SLC23A2: variants seen among roughly 807,000 people sequenced by gnomAD.
The protein encoded by SLC23A2 is solute carrier family 23 member 2.
A neutral mutation model predicts 73.3 loss-of-function variants in SLC23A2; 36 were observed. The observed-to-expected ratio is 0.49, with a 90% CI of 0.38 to 0.65. The LOEUF is 0.65. Ranked by LOEUF, SLC23A2 falls within the 30% of genes least tolerant of loss-of-function variation. The pLI is 0.00. For synonymous variants in SLC23A2, 343 were observed against 327.3 expected (o/e 1.05, Z -0.52); for missense variants, 507 against 841.6 (o/e 0.60, Z 4.92).
intron 2 of SLC23A2, among the ~76,000 whole-genome samples, chr20:4,970,220 TA>T (rs11479614): frequency 0.031 from 4,647 of 152,300 alleles, 230 homozygotes; most frequent in African/African-American, 0.1. Flanking sequence ...TTGTAATTAA[TA>T]TAAGTGGCAA....
At chr20:4,871,007 T>C (rs1011477512) in intron 11 of SLC23A2, among the ~76,000 whole-genome samples, 3 of 152,246 alleles carry the variant, frequency 2.0e-5, no homozygotes, top group African/African-American at 7.2e-5. Context: ...AGATACTTTT[T>C]TCTTCACAAG....
chr20:4,993,645 GAA>G (rs932504788), intron 1 of SLC23A2, among the ~76,000 whole-genome samples: 9 of 152,158 alleles, frequency 5.9e-5, no homozygotes, highest in African/African-American at 1.4e-4. Flanking sequence ...AGATAAAACA[GAA>G]GAGACTTAAA....
intron 6 of SLC23A2, 97 bp from the exon 7 acceptor site, chr20:4,886,006 G>A: frequency 2.9e-6 from 2 of 701,592 alleles, no homozygotes; most frequent in South Asian, 1.8e-5. Context: ...TAGACATACA[G>A]CACATGAGTA....
rs1008346813 is a variant in SLC23A2, at chr20:4,998,765, T to C, written c.-282+2641A>G. Reference sequence around the variant, plus strand: ...CGTTTTTAAAAAGCTTCAATTTACATGTACAAAGCACCATATAATTTCAAA... The same window carrying C: ...CGTTTTTAAAAAGCTTCAATTTACACGTACAAAGCACCATATAATTTCAAA... On this transcript the variant is annotated intron_variant, in intron 1 of 16. Coordinates refer to ENST00000338244, the MANE Select transcript of SLC23A2 (RefSeq NM_005116.6). The surrounding 1 kb of genome is among the most constrained non-coding windows in gnomAD (Gnocchi z 4.1). Among the ~76,000 whole-genome samples the C allele has an allele frequency of 2.6e-5, 4 of 151,946 alleles. No homozygotes were observed. The highest frequency in any genetic ancestry group is 9.7e-5 in the African/African-American group (4 of 41,378).
chr20:4,862,892 C>T lies in SLC23A2; in HGVS notation c.1372G>A (p.Val458Met), dbSNP rs543448650. 2 of 1,611,462 alleles carry T rather than the reference C, an allele frequency of 1.2e-6. No homozygotes were observed. The highest frequency in any genetic ancestry group is 1.7e-6 in the Non-Finnish European group (2 of 1,178,128). ...ATGAGGGCTGCTCCGCACTGTATCA[C>T]GCGGCGGCTGCCGACCTGCAGAACA... ...LGITKVGSRR[V>M]IQCGAALMLA... The change falls in exon 14 of 17, where the codon GTG becomes ATG. Residue 458 changes from valine (V) to methionine (M), a missense_variant. Val to Met is a conservative substitution (Grantham distance 21). Coordinates refer to ENST00000338244, the MANE Select transcript of SLC23A2 (RefSeq NM_005116.6). The surrounding 1 kb of genome is among the most constrained non-coding windows in gnomAD (Gnocchi z 5.1).
rs568048811 is a variant in SLC23A2 at position 4,923,497 on chromosome 20, G to A, written c.108+8958C>T. On this transcript the variant is annotated intron_variant, in intron 3 of 16. Coordinates refer to ENST00000338244, the MANE Select transcript of SLC23A2 (RefSeq NM_005116.6). ...CTGCCTAAATCATGGCCATTATGCA[G>A]TATATTAAAACTCTCATCTTACAGA... Among the ~76,000 whole-genome samples the A allele has an allele frequency of 6.1e-4, 93 of 152,278 alleles. 2 individuals are homozygous for A. The South Asian group carries it at 0.018, about 30-fold the overall frequency.
intron 5 of SLC23A2, among the ~76,000 whole-genome samples, chr20:4,901,138 G>A (rs1286005849): frequency 6.6e-6 from 1 of 152,150 alleles, no homozygotes; most frequent in African/African-American, 2.4e-5. Flanking sequence ...GCCCAAGGTA[G>A]ACTAGTTGCC....
intron 2 of SLC23A2, among the ~76,000 whole-genome samples, chr20:4,969,392 A>G (rs1250520029): frequency 6.6e-6 from 1 of 152,130 alleles, no homozygotes; most frequent in African/African-American, 2.4e-5. Flanking sequence ...CCCAGCCTTT[A>G]TTAGAAGTCT....
chr20:4,934,127 C>T (rs985232792), intron 2 of SLC23A2, among the ~76,000 whole-genome samples: 5 of 152,152 alleles, frequency 3.3e-5, no homozygotes, highest in African/African-American at 9.7e-5. Context: ...CAAATTCTTC[C>T]GGGGTGGTCG....
In SLC23A2 at chr20:4,854,173, A is replaced by G. The variant is rs928877575; in HGVS notation, c.*2799T>C. On this transcript the variant is annotated 3_prime_UTR_variant, in exon 17 of 17. Transcript: ENST00000338244. ...TTTTACAACACTCTACAGGCAAAAC[A>G]AAGTACGGGGTGGTGGTTCAAAGCC... 3.9e-5 allele frequency: 6 copies of G among 152,200 alleles called. No homozygotes were observed. The highest frequency in any genetic ancestry group is 2.6e-4 in the Admixed American group (4 of 15,278). The allele number at this position is 152,200 out of a possible 1,614,324, so 9.4% of individuals were successfully genotyped here. A position where few individuals can be genotyped will look rare whatever the true frequency, so the allele number is the denominator to read the frequency against.
In SLC23A2 at chr20:4,869,486, C is replaced by CTCTCTCTA. The variant is rs1555798067; in HGVS notation, c.1250+419_1250+420insTAGAGAGA. On this transcript the variant is annotated intron_variant, in intron 12 of 16. Transcript: ENST00000338244. The stretch of plus-strand genomic sequence containing the variant: ...GTGCTCTCTATCTCTCTCTCTCTCT[C>CTCTCTCTA]TATATATATATATAGACAGAGCTAC... 2 of 148,292 alleles carry CTCTCTCTA rather than the reference C, an allele frequency of 1.3e-5. 1 individual carries two copies. The highest frequency in any genetic ancestry group is 4.3e-4 in the South Asian group (2 of 4,680). 9.2% of individuals were successfully genotyped at this position (148,292 alleles called of 1,614,324 possible). A position where few individuals can be genotyped will look rare whatever the true frequency, so the allele number is the denominator to read the frequency against.
At chr20:4,973,670 C>T (rs1314493886) in intron 1 of SLC23A2, among the ~76,000 whole-genome samples, 1 of 152,208 alleles carries the variant, frequency 6.6e-6, no homozygotes, top group Non-Finnish European at 1.5e-5. Context: ...AATGCCCCTC[C>T]CATTCGTGGG....
intron 6 of SLC23A2, among the ~76,000 whole-genome samples, chr20:4,896,745 CA>C (rs949152573): frequency 2.0e-5 from 3 of 152,190 alleles, no homozygotes; most frequent in Non-Finnish European, 4.4e-5. Flanking sequence ...GGATGGTCCT[CA>C]CCCCCTATAC....
Position 4,899,546 on chromosome 20 carries a change from C to T in SLC23A2, c.482+9G>A, listed in dbSNP as rs1445092203. 8 of 1,613,972 alleles carry T rather than the reference C, an allele frequency of 5.0e-6. No homozygotes were observed. The highest frequency in any genetic ancestry group is 6.8e-6 in the Non-Finnish European group (8 of 1,179,910). ...GCTTTGGCATCCCCCATTAGTACCC[C>T]AATCTCACCTGCATCCAAACGTTGT... On this transcript the variant is annotated intron_variant, in intron 6 of 16. Coordinates refer to ENST00000338244, the MANE Select transcript of SLC23A2 (RefSeq NM_005116.6). This position sits in a 1 kb window ranked among gnomAD's most constrained non-coding sequence, Gnocchi z 4.9.
Position 4,883,622 on chromosome 20 carries a change from G to A in SLC23A2, c.824+20C>T, listed in dbSNP as rs140431658. The A allele has an allele frequency of 1.9e-4, 293 of 1,583,408 alleles. 2 individuals carry two copies. In the East Asian group the frequency reaches 6.3e-3, roughly 34 times the overall value. On this transcript the variant is annotated intron_variant, in intron 9 of 16. Transcript: ENST00000338244. This position sits in a 1 kb window ranked among gnomAD's most constrained non-coding sequence, Gnocchi z 4.5. Reference sequence around the variant, plus strand: ...AGGCTGCCCCGCAGTGGTGGGATGAGGGGAGATGTTTCCACTTACAGCATG... The same window carrying A: ...AGGCTGCCCCGCAGTGGTGGGATGAAGGGAGATGTTTCCACTTACAGCATG...
intron 6 of SLC23A2, among the ~76,000 whole-genome samples, chr20:4,894,762 C>T (rs543849976): frequency 1.4e-4 from 21 of 152,238 alleles, no homozygotes; most frequent in Non-Finnish European, 2.4e-4. Context: ...TCTGCAAAGA[C>T]ACACATCTGT....
chr20:4,854,241 A>C lies in SLC23A2; in HGVS notation c.*2731T>G, dbSNP rs1051796970. 1.3e-5 allele frequency: 2 copies of C among 152,260 alleles called. No homozygotes were observed. The highest frequency in any genetic ancestry group is 2.9e-5 in the Non-Finnish European group (2 of 68,062). 9.4% of individuals were successfully genotyped at this position (152,260 alleles called of 1,614,324 possible). On this transcript the variant is annotated 3_prime_UTR_variant, in exon 17 of 17. Transcript: ENST00000338244. ...TGATGTGAATGGGAAGTGTCATGACACAGACCGCGAGTGGCCACCGTGTCC... is the reference window on the plus strand; with the variant it reads ...TGATGTGAATGGGAAGTGTCATGACCCAGACCGCGAGTGGCCACCGTGTCC...
chr20:4,979,148 C>T (rs2087688559), intron 1 of SLC23A2, among the ~76,000 whole-genome samples: 1 of 151,604 alleles, frequency 6.6e-6, no homozygotes, highest in South Asian at 2.1e-4. Flanking sequence ...CAAAAATTAG[C>T]CAAGCGTGGT....
chr20:4,944,170 A>G (rs573371064), intron 2 of SLC23A2, among the ~76,000 whole-genome samples: 1 of 152,302 alleles, frequency 6.6e-6, no homozygotes, highest in Non-Finnish European at 1.5e-5. Context: ...TAATCCCACC[A>G]ATTTTAAAAA....
Sources: gnomAD v4.1 joint callset for allele counts (sites outside exome capture counted in the v4.1 genomes callset) on GRCh38, gnomAD v4.1.1 for gene constraint, Gnocchi (gnomAD v3.1) non-coding constraint, MANE v1.5 for transcripts, NCBI Gene and HGNC (gene_info 2026-07-23, HGNC 2026-07-21) for gene names.